The following ANKRD29 variants were observed in gnomAD, a reference collection of about 807,000 sequenced individuals.
ANKRD29 encodes ankyrin repeat domain 29, also known as ankyrin repeat domain-containing protein 29.
In ANKRD29, 32 loss-of-function variants were observed where a neutral mutation model predicts 38.0. The observed-to-expected ratio is 0.84, with a 90% confidence interval of 0.64 to 1.13. The LOEUF (loss-of-function observed/expected upper bound fraction) is 1.13. ANKRD29 is among the 50% of genes most tolerant of loss of function. The pLI, the probability that ANKRD29 is intolerant of heterozygous loss-of-function variation, is 0.00. For missense variants in ANKRD29, 357 were observed against 377.9 expected, an observed-to-expected ratio of 0.94 and a Z score of 0.46; for synonymous variants, 135 against 152.4, an observed-to-expected ratio of 0.89 and a Z score of 0.84.
intron 8 of ANKRD29, 70 bp from the exon 9 acceptor site, chr18:23,612,260 T>G (rs2059652939): frequency 7.3e-7 from 1 of 1,370,302 alleles, no homozygotes. Context: ...GCTTTCATCA[T>G]AAACCATCTG....
chr18:23,619,224 A>T (rs2059762119), intron 7 of ANKRD29, among the ~76,000 whole-genome samples: 1 of 152,082 alleles, frequency 6.6e-6, no homozygotes, highest in African/African-American at 2.4e-5. Flanking sequence ...CCCCTAGGAC[A>T]CGCCCCAGGA....
intron 9 of ANKRD29, 113 bp from the exon 10 acceptor site, chr18:23,601,422 C>T (rs891685235): frequency 1.3e-5 from 9 of 717,776 alleles, no homozygotes; most frequent in Non-Finnish European, 2.2e-5. Context: ...AAAAAATCCA[C>T]ACTGGACTCA....
chr18:23,641,972 C>T lies in ANKRD29; in HGVS notation c.232-3025G>A, dbSNP rs141213556. ...TCAGATCATCAGGATGACTTGCCTG[C>T]GGAAAGGCGCTACCCACTATGGGTC... On this transcript the variant is annotated intron_variant, in intron 3 of 9. Coordinates refer to ENST00000592179, the MANE Select transcript of ANKRD29 (RefSeq NM_173505.4). Among the ~76,000 whole-genome samples the T allele has an allele frequency of 9.5e-4, 145 of 152,214 alleles. No homozygotes were observed. In the East Asian group the frequency reaches 0.011, roughly 11 times the overall value.
chr18:23,601,154 C>G lies in ANKRD29; in HGVS notation c.*72G>C, dbSNP rs965061362. On this transcript the variant is annotated 3_prime_UTR_variant, in exon 10 of 10. Transcript: ENST00000592179. Reference sequence around the variant, plus strand: ...TTTTTTCATAAAAGAATTTCCAACACTGCTTGAAATGCAATTTCTTTTTGG... The same window carrying G: ...TTTTTTCATAAAAGAATTTCCAACAGTGCTTGAAATGCAATTTCTTTTTGG... The G allele has an allele frequency of 2.2e-5, 30 of 1,393,322 alleles. No individual in the cohort carries two copies. In the African/African-American group the frequency reaches 3.8e-4, roughly 17 times the overall value. The allele number at this position is 1,393,322 out of a possible 1,614,324, so 86.3% of individuals were successfully genotyped here.
chr18:23,636,351 G>C (rs2060002798), intron 4 of ANKRD29, among the ~76,000 whole-genome samples: 1 of 152,106 alleles, frequency 6.6e-6, no homozygotes, highest in Admixed American at 6.5e-5. Flanking sequence ...TGTGGCCCAA[G>C]CCGGTCTAGA....
chr18:23,646,454 G>A (rs2060141776), intron 2 of ANKRD29, 167 bp from the exon 3 acceptor site: 1 of 496,968 alleles, frequency 2.0e-6, no homozygotes. Context: ...CAGCCTAGAT[G>A]GGAAAAAGCA....
chr18:23,622,970 C>G (rs1344010577), intron 6 of ANKRD29, among the ~76,000 whole-genome samples: 3 of 152,176 alleles, frequency 2.0e-5, no homozygotes, highest in Admixed American at 6.5e-5. Flanking sequence ...TCAGTTCTTC[C>G]TGGCTGTAAG....
intron 1 of ANKRD29, among the ~76,000 whole-genome samples, chr18:23,658,323 G>A (rs1444212837): frequency 4.6e-5 from 7 of 152,216 alleles, no homozygotes; most frequent in Non-Finnish European, 7.3e-5. Context: ...CAGGAGGATC[G>A]CTTGAGCCCA....
intron 3 of ANKRD29, among the ~76,000 whole-genome samples, chr18:23,644,436 A>C (rs1011930953): frequency 6.6e-6 from 1 of 152,268 alleles, no homozygotes; most frequent in Non-Finnish European, 1.5e-5. Context: ...TGTAATTCTA[A>C]GTGGGTCCAG....
chr18:23,649,152 C>T lies in ANKRD29; in HGVS notation c.63G>A (p.Arg21=). The change falls in exon 2 of 10, where the codon AGG becomes AGA. Residue 21 remains arginine, a synonymous_variant. Coordinates refer to ENST00000592179, the MANE Select transcript of ANKRD29 (RefSeq NM_173505.4). ...PLANAAFWAA[R]RGNLALLKLL... ...GCTTCAGCAGCGCCAGGTTTCCTCT[C>T]CTGGCTGCCCAGAATGCAGCATTGG... 6.2e-7 allele frequency: 1 copy of T among 1,614,188 alleles called. No individual in the cohort carries two copies. The highest frequency in any genetic ancestry group is 8.5e-7 in the Non-Finnish European group (1 of 1,179,998).
At chr18:23,610,352 C>A (rs1357040701) in intron 9 of ANKRD29, among the ~76,000 whole-genome samples, 2 of 152,232 alleles carry the variant, frequency 1.3e-5, no homozygotes, top group East Asian at 3.9e-4. Context: ...ATGGTGCACA[C>A]CTGTAGTTCC....
chr18:23,647,098 T>C (rs1046917831), intron 2 of ANKRD29: 11 of 152,198 alleles, frequency 7.2e-5, no homozygotes, highest in African/African-American at 2.7e-4. Flanking sequence ...GGAGGCTCAT[T>C]AGGTATAGGG....
chr18:23,629,815 C>A (rs748189844), intron 6 of ANKRD29, 38 bp downstream of exon 6: 11 of 1,573,166 alleles, frequency 7.0e-6, no homozygotes, highest in African/African-American at 1.3e-5. Flanking sequence ...CTGCCCCATG[C>A]GCCATGTGCT....
chr18:23,661,784 C>T (rs915259421), intron 1 of ANKRD29, among the ~76,000 whole-genome samples: 2 of 152,180 alleles, frequency 1.3e-5, no homozygotes, highest in Admixed American at 6.5e-5. Context: ...TGGTCCAGTA[C>T]CATTTCTTAA....
At chr18:23,611,854 A>G (rs1037051699) in intron 9 of ANKRD29, among the ~76,000 whole-genome samples, 3 of 151,632 alleles carry the variant, frequency 2.0e-5, no homozygotes, top group Non-Finnish European at 4.4e-5. Context: ...CCCTTGACAC[A>G]AGGGTTTGTT....
chr18:23,652,997 T>C (rs1032403872), intron 1 of ANKRD29, among the ~76,000 whole-genome samples: 4 of 152,242 alleles, frequency 2.6e-5, no homozygotes, highest in African/African-American at 9.6e-5. Flanking sequence ...TACATTTACA[T>C]ATGTTTAGAT....
At chr18:23,637,808 A>G (rs1338589042) in intron 4 of ANKRD29, among the ~76,000 whole-genome samples, 1 of 152,172 alleles carries the variant, frequency 6.6e-6, no homozygotes, top group Admixed American at 6.6e-5. Flanking sequence ...CAACTTGCGC[A>G]CATTTTCAGG....
intron 9 of ANKRD29, among the ~76,000 whole-genome samples, chr18:23,601,802 T>A (rs1482510839): frequency 6.6e-6 from 1 of 151,988 alleles, no homozygotes; most frequent in Non-Finnish European, 1.5e-5. Context: ...CCCGAGTAGC[T>A]GGGACCACAG....
At chr18:23,634,955 T>A (rs2059983706) in intron 4 of ANKRD29, among the ~76,000 whole-genome samples, 3 of 152,204 alleles carry the variant, frequency 2.0e-5, no homozygotes, top group Non-Finnish European at 4.4e-5. Context: ...GCCATTGCCC[T>A]CATGGGACAA....
Sources: allele counts gnomAD v4.1 joint callset (sites outside exome capture counted in the v4.1 genomes callset), GRCh38; gene constraint gnomAD v4.1.1; transcripts MANE v1.5; gene names NCBI Gene and HGNC (gene_info 2026-07-23, HGNC 2026-07-21).